PTMS: variants seen among roughly 807,000 people sequenced by gnomAD.
PTMS encodes the protein parathymosin.
PTMS carries 5 observed loss-of-function variants against 18.4 expected under a neutral mutation model. The observed-to-expected ratio is 0.27, with a 90% confidence interval of 0.14 to 0.57. The LOEUF (loss-of-function observed/expected upper bound fraction) is 0.57. Ranked by LOEUF, PTMS falls within the 20% of genes least tolerant of loss-of-function variation. PTMS has a pLI of 0.92. For synonymous variants in PTMS, 53 were observed against 47.7 expected (o/e 1.11, Z -0.46); for missense variants, 93 against 124.6 (o/e 0.75, Z 1.21).
At chr12:6,766,872 A>C in intron 1 of PTMS, 122 bp downstream of exon 1, 1 of 558,980 alleles carries the variant, frequency 1.8e-6, no homozygotes, top group Non-Finnish European at 2.3e-6. Flanking sequence ...GGCGGACCCC[A>C]CTGCGCCCTC....
chr12:6,767,063 C>G (rs1218656078), intron 1 of PTMS: 1 of 156,060 alleles, frequency 6.4e-6, no homozygotes, highest in Non-Finnish European at 1.4e-5. Context: ...GCTTCCCGTC[C>G]GAACGCCCCG....
rs1337996489 is a variant in PTMS, at chr12:6,766,719, G to A, written c.14G>A (p.Ser5Asn). 9.0e-7 allele frequency: 1 copy of A among 1,115,702 alleles called. No individual in the cohort carries two copies. The highest frequency in any genetic ancestry group is 1.7e-5 in the African/African-American group (1 of 59,418). The allele number at this position is 1,115,702 out of a possible 1,614,324, so 69.1% of individuals were successfully genotyped here. A position where few individuals can be genotyped will look rare whatever the true frequency, so the allele number is the denominator to read the frequency against. The change falls in exon 1 of 5, where the codon AGC becomes AAC. Residue 5 changes from serine to asparagine, a missense_variant. Coordinates refer to ENST00000309083, the MANE Select transcript of PTMS (RefSeq NM_002824.6). The stretch of plus-strand genomic sequence containing the variant: ...GGCCCCGGCACCATGTCGGAGAAAA[G>A]CGTGGAGGCAGCGGCCGAGTTGAGC... MSEKSVEAAAELSAK... is the reference protein window; with the variant it reads MSEKNVEAAAELSAK...
In PTMS at chr12:6,766,569, G is replaced by A; in HGVS notation, c.-137G>A. Reference sequence around the variant, plus strand: ...TTCCAGAGACCCAGCTTGCCGAGCGGCCGCCGCTGCCGCTGTCGCCGCCGC... The same window carrying A: ...TTCCAGAGACCCAGCTTGCCGAGCGACCGCCGCTGCCGCTGTCGCCGCCGC... On this transcript the variant is annotated 5_prime_UTR_variant, in exon 1 of 5. Transcript: ENST00000309083. 1 of 364,622 alleles carries A rather than the reference G, an allele frequency of 2.7e-6. No homozygotes were observed. Among genetic ancestry groups the A allele is most frequent in the South Asian group, 3.8e-5 (1 of 26,476 alleles). The allele number at this position is 364,622 out of a possible 1,614,324, so 22.6% of individuals were successfully genotyped here. A position where few individuals can be genotyped will look rare whatever the true frequency, so the allele number is the denominator to read the frequency against.
At chr12:6,767,245 C>T (rs1211091319) in intron 1 of PTMS, 2 of 152,272 alleles carry the variant, frequency 1.3e-5, no homozygotes, top group East Asian at 3.9e-4. Context: ...TCGCTTCTCT[C>T]CCCGGACGGC....
Position 6,770,292 on chromosome 12 carries a change from C to T in PTMS, c.258+74C>T, listed in dbSNP as rs1448244535. The T allele has an allele frequency of 4.3e-6, 7 of 1,610,064 alleles. No homozygotes were observed. Among genetic ancestry groups the T allele is most frequent in the African/African-American group, 1.3e-5 (1 of 74,792 alleles). On this transcript the variant is annotated intron_variant, in intron 4 of 4. Transcript: ENST00000309083. This position sits in a 1 kb window ranked among gnomAD's most constrained non-coding sequence, Gnocchi z 7.3. ...GCTGGGCGCCCTTTGGATTTGGACC[C>T]AGATCCCTGTGTGGCAGGGGTGGGG...
At chr12:6,768,586 A>G (rs949892437) in intron 1 of PTMS, among the ~76,000 whole-genome samples, 1 of 152,188 alleles carries the variant, frequency 6.6e-6, no homozygotes, top group Admixed American at 6.5e-5. Flanking sequence ...TGGCACACCA[A>G]CACCAGATCA....
chr12:6,770,486 GAGGT>G lies in PTMS; in HGVS notation c.*45_*48del. The G allele has an allele frequency of 6.3e-7, 1 of 1,595,012 alleles. No homozygotes were observed. Among genetic ancestry groups the G allele is most frequent in the Admixed American group, 1.7e-5 (1 of 59,784 alleles). On this transcript the variant is annotated 3_prime_UTR_variant, in exon 5 of 5. Coordinates refer to ENST00000309083, the MANE Select transcript of PTMS (RefSeq NM_002824.6). This position sits in a 1 kb window ranked among gnomAD's most constrained non-coding sequence, Gnocchi z 7.3. Reference sequence around the variant, plus strand: ...GGGTTGGGAGGCCTCTCTGGGCCTGGAGGTGGGGGTGGGGGCAGCCAAGTCCAGC... The same window carrying G: ...GGGTTGGGAGGCCTCTCTGGGCCTGGGGGGGTGGGGGCAGCCAAGTCCAGC...
chr12:6,770,439 G>A lies in PTMS; in HGVS notation c.306G>A (p.Ala102=), dbSNP rs142760535. The part of the protein sequence containing the change: ...KRQKTENGAS[A] ...AGAAGACAGAAAATGGGGCATCGGC[G>A]TGAGCCCCTGCCAACAGGCTGGGGT... The change falls in exon 5 of 5, where the codon GCG becomes GCA. Residue 102 remains alanine (A), a synonymous_variant. Transcript: ENST00000309083. The surrounding 1 kb of genome is among the most constrained non-coding windows in gnomAD (Gnocchi z 7.3). 429 of 1,612,974 alleles carry A rather than the reference G, an allele frequency of 2.7e-4. 2 individuals carry two copies. The African/African-American group carries it at 5.3e-3, about 20-fold the overall frequency.
chr12:6,770,437 G>T lies in PTMS; in HGVS notation c.304G>T (p.Ala102Ser), dbSNP rs764671872. 6.2e-7 allele frequency: 1 copy of T among 1,613,338 alleles called. No homozygotes were observed. Among genetic ancestry groups the T allele is most frequent in the Non-Finnish European group, 8.5e-7 (1 of 1,179,730 alleles). ...KRQKTENGAS[A>S] ...GCAGAAGACAGAAAATGGGGCATCG[G>T]CGTGAGCCCCTGCCAACAGGCTGGG... The change falls in exon 5 of 5, where the codon GCG becomes TCG. Residue 102 changes from alanine to serine, a missense_variant. By Grantham distance (99) the Ala-to-Ser change is moderately conservative (BLOSUM62 1). Coordinates refer to ENST00000309083, the MANE Select transcript of PTMS (RefSeq NM_002824.6). The surrounding 1 kb of genome is among the most constrained non-coding windows in gnomAD (Gnocchi z 7.3).
Position 6,769,597 on chromosome 12 carries a change from T to G in PTMS, c.46-6T>G. On this transcript the variant is annotated splice_polypyrimidine_tract_variant and splice_region_variant and intron_variant, in intron 1 of 4. Coordinates refer to ENST00000309083, the MANE Select transcript of PTMS (RefSeq NM_002824.6). ...GTGAGAAAGGTGACCTCTTTCTCCT[T>G]TGCAGGACCTGAAGGAGAAGAAGGA... 1 of 1,614,020 alleles carries G rather than the reference T, an allele frequency of 6.2e-7. No individual in the cohort carries two copies. Among genetic ancestry groups the G allele is most frequent in the Non-Finnish European group, 8.5e-7 (1 of 1,179,980 alleles).
Position 6,770,622 on chromosome 12 carries a change from C to G in PTMS, c.*180C>G. The G allele has an allele frequency of 1.4e-6, 1 of 692,562 alleles. No individual in the cohort carries two copies. Among genetic ancestry groups the G allele is most frequent in the Non-Finnish European group, 2.5e-6 (1 of 407,112 alleles). The allele number at this position is 692,562 out of a possible 1,614,324, so 42.9% of individuals were successfully genotyped here. A position where few individuals can be genotyped will look rare whatever the true frequency, so the allele number is the denominator to read the frequency against. On this transcript the variant is annotated 3_prime_UTR_variant, in exon 5 of 5. Coordinates refer to ENST00000309083, the MANE Select transcript of PTMS (RefSeq NM_002824.6). This position sits in a 1 kb window ranked among gnomAD's most constrained non-coding sequence, Gnocchi z 7.3. The stretch of plus-strand genomic sequence containing the variant: ...CTCTCCAGACACTGCGCCCTCCACC[C>G]TCACTCTGCCATTGTTCCACCTCCT...
Position 6,766,459 on chromosome 12 carries a change from T to C in PTMS, c.-247T>C. The C allele has an allele frequency of 4.4e-6, 1 of 228,934 alleles. No individual in the cohort carries two copies. The highest frequency in any genetic ancestry group is 8.7e-6 in the Non-Finnish European group (1 of 115,210). 14.2% of individuals were successfully genotyped at this position (228,934 alleles called of 1,614,324 possible). A position where few individuals can be genotyped will look rare whatever the true frequency, so the allele number is the denominator to read the frequency against. On this transcript the variant is annotated 5_prime_UTR_variant, in exon 1 of 5. Coordinates refer to ENST00000309083, the MANE Select transcript of PTMS (RefSeq NM_002824.6). ...CGCCGGCCACCGCCTGCACCGCCCTTCCGCCCGCCCTCCGGACGGCCGCAG... is the reference window on the plus strand; with the variant it reads ...CGCCGGCCACCGCCTGCACCGCCCTCCCGCCCGCCCTCCGGACGGCCGCAG...
intron 1 of PTMS, among the ~76,000 whole-genome samples, chr12:6,768,275 C>G (rs115649914): frequency 0.017 from 2,554 of 152,272 alleles, 72 homozygotes; most frequent in African/African-American, 0.057. Flanking sequence ...GAGAAGCTGA[C>G]CAGCTCTTTG....
chr12:6,769,098 A>G, intron 1 of PTMS: 1 of 195,146 alleles, frequency 5.1e-6, no homozygotes, highest in Non-Finnish European at 1.0e-5. Context: ...ACAGATGGAG[A>G]GAAACAAAGA....
intron 1 of PTMS, chr12:6,769,229 G>A (rs1941807530): frequency 3.9e-6 from 1 of 258,278 alleles, no homozygotes; most frequent in Non-Finnish European, 7.4e-6. Flanking sequence ...CAAGGGAGGC[G>A]GAGGGACACA....
chr12:6,766,971 G>A lies in PTMS; in HGVS notation c.45+221G>A, dbSNP rs373540217. 3.5e-3 allele frequency among the ~76,000 whole-genome samples: 536 copies of A among 151,526 alleles called. 2 individuals are homozygous for A. Among genetic ancestry groups the A allele is most frequent in the Non-Finnish European group, 6.6e-3 (447 of 67,824 alleles). ...CTGCCCTGCGCGCACCACGGCGCCC[G>A]GCCTCGCCGCTCCGGTCGCGCCGTC... On this transcript the variant is annotated intron_variant, in intron 1 of 4. Coordinates refer to ENST00000309083, the MANE Select transcript of PTMS (RefSeq NM_002824.6).
intron 1 of PTMS, among the ~76,000 whole-genome samples, chr12:6,767,644 T>C (rs1941790367): frequency 8.7e-6 from 1 of 115,458 alleles, no homozygotes; most frequent in African/African-American, 3.8e-5. Flanking sequence ...CACACAGGTC[T>C]CCCGGAGGCC....
In PTMS at chr12:6,770,454, C is replaced by T; in HGVS notation, c.*12C>T. ...GGGCATCGGCGTGAGCCCCTGCCAA[C>T]AGGCTGGGGTTGGGAGGCCTCTCTG... On this transcript the variant is annotated 3_prime_UTR_variant, in exon 5 of 5. Transcript: ENST00000309083. The surrounding 1 kb of genome is among the most constrained non-coding windows in gnomAD (Gnocchi z 7.3). 6.2e-7 allele frequency: 1 copy of T among 1,609,988 alleles called. No homozygotes were observed. Among genetic ancestry groups the T allele is most frequent in the Non-Finnish European group, 8.5e-7 (1 of 1,178,826 alleles).
In PTMS at chr12:6,770,748, C is replaced by G; in HGVS notation, c.*306C>G. 1 of 480,108 alleles carries G rather than the reference C, an allele frequency of 2.1e-6. No individual in the cohort carries two copies. Among genetic ancestry groups the G allele is most frequent in the South Asian group, 2.2e-5 (1 of 46,408 alleles). The allele number at this position is 480,108 out of a possible 1,614,324, so 29.7% of individuals were successfully genotyped here. A position where few individuals can be genotyped will look rare whatever the true frequency, so the allele number is the denominator to read the frequency against. On this transcript the variant is annotated 3_prime_UTR_variant, in exon 5 of 5. Coordinates refer to ENST00000309083, the MANE Select transcript of PTMS (RefSeq NM_002824.6). This position sits in a 1 kb window ranked among gnomAD's most constrained non-coding sequence, Gnocchi z 7.3. Reference sequence around the variant, plus strand: ...CCAGCCTCATTCTTCCTCCGGTAGCCTCTCCCACCTAACCTCTGCATCCCC... The same window carrying G: ...CCAGCCTCATTCTTCCTCCGGTAGCGTCTCCCACCTAACCTCTGCATCCCC...
Sources: allele counts gnomAD v4.1 joint callset (sites outside exome capture counted in the v4.1 genomes callset), GRCh38; gene constraint gnomAD v4.1.1; non-coding constraint Gnocchi (gnomAD v3.1); transcripts MANE v1.5; gene names NCBI Gene and HGNC (gene_info 2026-07-23, HGNC 2026-07-21).